Variants in PLXNA4 observed in about 807,000 individuals in gnomAD.
PLXNA4 encodes plexin-A4.
In PLXNA4, 44 loss-of-function variants were observed where a neutral mutation model predicts 191.8. That is an observed-to-expected ratio of 0.23 (90% confidence interval 0.18 to 0.29). The LOEUF (loss-of-function observed/expected upper bound fraction) is 0.29, where lower values mean the gene tolerates loss of function less well. Among genes scored for constraint, PLXNA4 ranks in the 10% least tolerant of loss-of-function variants. The probability of loss-of-function intolerance (pLI) is 1.00; values close to 1 mark genes in which losing one functional copy is unlikely to be tolerated. For synonymous variants in PLXNA4, 1,082 were observed against 1,009.5 expected, an observed-to-expected ratio of 1.07 and a Z score of -1.36; for missense variants, 1,800 against 2,488.8, an observed-to-expected ratio of 0.72 and a Z score of 5.89.
chr7:132,255,533 T>C (rs1340397114), intron 4 of PLXNA4, among the ~76,000 whole-genome samples: 1 of 152,210 alleles, frequency 6.6e-6, no homozygotes, highest in African/African-American at 2.4e-5. Context: ...AATTCAACTT[T>C]AAAGGTTTCC....
rs149649198 is a variant in PLXNA4 at position 132,522,445 on chromosome 7, A to C, written c.-86-13666T>G. Among the ~76,000 whole-genome samples the C allele has an allele frequency of 8.6e-4, 131 of 152,318 alleles. 1 individual carries two copies. The highest frequency in any genetic ancestry group is 9.1e-4 in the African/African-American group (38 of 41,580). On this transcript the variant is annotated intron_variant, in intron 1 of 31. Coordinates refer to ENST00000321063, the MANE Select transcript of PLXNA4 (RefSeq NM_020911.2). ...TGCCTTTCCTCTCTCTATGCCTCAG[A>C]TCTTCAGTTGATCCAATACTTTCCT...
At chr7:132,342,294 T>C (rs1803060032) in intron 3 of PLXNA4, among the ~76,000 whole-genome samples, 1 of 149,914 alleles carries the variant, frequency 6.7e-6, no homozygotes, top group African/African-American at 2.5e-5. Flanking sequence ...TGAATAACAA[T>C]GCTGATAATA....
At chr7:132,620,831 C>T (rs924940189) in intron 2 of PLXNA4, among the ~76,000 whole-genome samples, 3 of 152,174 alleles carry the variant, frequency 2.0e-5, no homozygotes, top group Admixed American at 1.3e-4. Context: ...AGAATACCAT[C>T]AACCGGGTGG....
intron 2 of PLXNA4, among the ~76,000 whole-genome samples, chr7:132,642,628 C>T (rs1222821042): frequency 1.3e-5 from 2 of 152,120 alleles, no homozygotes; most frequent in African/African-American, 4.8e-5. Context: ...AGGCAGAGGC[C>T]TTCCTGGGCC....
chr7:132,383,693 T>C lies in PLXNA4; in HGVS notation c.1372-85471A>G, dbSNP rs992815098. The C allele has an allele frequency of 4.1e-6, 4 of 983,008 alleles. No homozygotes were observed. In the African/African-American group the frequency reaches 7.0e-5, roughly 17 times the overall value. 60.9% of individuals were successfully genotyped at this position (983,008 alleles called of 1,614,324 possible). On this transcript the variant is annotated intron_variant, in intron 3 of 31. Coordinates refer to ENST00000321063, the MANE Select transcript of PLXNA4 (RefSeq NM_020911.2). ...TGAGTGTATATATCAATTCCAATTTTTGATAGACTAAATAAATGCTGAAAT... is the reference window on the plus strand; with the variant it reads ...TGAGTGTATATATCAATTCCAATTTCTGATAGACTAAATAAATGCTGAAAT...
At chr7:132,603,779 TCTTC>T (rs1227159841) in intron 2 of PLXNA4, among the ~76,000 whole-genome samples, 1 of 152,202 alleles carries the variant, frequency 6.6e-6, no homozygotes, top group African/African-American at 2.4e-5. Context: ...TATTTATATT[TCTTC>T]CTTGAGTATG....
At chr7:132,556,783 C>T (rs1323280793) in intron 1 of PLXNA4, among the ~76,000 whole-genome samples, 4 of 152,222 alleles carry the variant, frequency 2.6e-5, no homozygotes, top group Non-Finnish European at 5.9e-5. Flanking sequence ...CTGAGAGTCA[C>T]ATTTATCAAA....
chr7:132,470,727 A>G (rs1486827664), intron 3 of PLXNA4, among the ~76,000 whole-genome samples: 1 of 152,208 alleles, frequency 6.6e-6, no homozygotes, highest in African/African-American at 2.4e-5. Flanking sequence ...TATGAAAGAA[A>G]GGCCAAAAAC....
At position 132,557,457 on chromosome 7, in the gene PLXNA4, G is replaced by C. The variant is rs1017840097; in HGVS notation, c.-87+18965C>G. Among the ~76,000 whole-genome samples, 5 of 152,102 alleles carry C rather than the reference G, an allele frequency of 3.3e-5. No homozygotes were observed. The East Asian group carries it at 7.7e-4, about 23-fold the overall frequency. ...AGAAGATGGAGGAAATGGCGGCAGG[G>C]GGGGACGTAAAGATAGGCAATCAAT... On this transcript the variant is annotated intron_variant, in intron 1 of 31. Coordinates refer to ENST00000321063, the MANE Select transcript of PLXNA4 (RefSeq NM_020911.2).
At chr7:132,286,318 C>T (rs1356009820) in intron 4 of PLXNA4, among the ~76,000 whole-genome samples, 1 of 152,200 alleles carries the variant, frequency 6.6e-6, no homozygotes, top group Non-Finnish European at 1.5e-5. Flanking sequence ...AGCCCTGGCC[C>T]TGTCTGTCCA....
intron 16 of PLXNA4, among the ~76,000 whole-genome samples, chr7:132,183,121 C>T (rs577227207): frequency 1.6e-4 from 24 of 152,352 alleles, no homozygotes; most frequent in African/African-American, 5.0e-4. Flanking sequence ...CCTTGACACA[C>T]ACACCCACAT....
At position 132,291,720 on chromosome 7, in the gene PLXNA4, T is replaced by C. The variant is rs182618000; in HGVS notation, c.1503+6371A>G. On this transcript the variant is annotated intron_variant, in intron 4 of 31. Coordinates refer to ENST00000321063, the MANE Select transcript of PLXNA4 (RefSeq NM_020911.2). Reference sequence around the variant, plus strand: ...ATCCATTCATCCTCTCTACCATGCATTCATCCTACCACATGCCAAGAGCTG... The same window carrying C: ...ATCCATTCATCCTCTCTACCATGCACTCATCCTACCACATGCCAAGAGCTG... Among the ~76,000 whole-genome samples, 369 of 152,272 alleles carry C rather than the reference T, an allele frequency of 2.4e-3. 3 individuals are homozygous for C. Among genetic ancestry groups the C allele is most frequent in the African/African-American group, 8.5e-3 (354 of 41,558 alleles).
rs1006697209 is a variant in PLXNA4, at chr7:132,126,240, T to C, written c.*4239A>G. The C allele has an allele frequency of 6.6e-6, 1 of 152,352 alleles. No homozygotes were observed. The highest frequency in any genetic ancestry group is 2.4e-5 in the African/African-American group (1 of 41,408). The allele number at this position is 152,352 out of a possible 1,614,324, so 9.4% of individuals were successfully genotyped here. ...AGGTCATTTGGGAAGTCATTGCTTG[T>C]GGATCCTCGGATGGGGACCCATAGG... On this transcript the variant is annotated 3_prime_UTR_variant, in exon 32 of 32. Transcript: ENST00000321063.
At chr7:132,367,336 G>T (rs1332955279) in intron 3 of PLXNA4, among the ~76,000 whole-genome samples, 1 of 152,154 alleles carries the variant, frequency 6.6e-6, no homozygotes, top group Non-Finnish European at 1.5e-5. Context: ...TATGACCAAA[G>T]AAGTATTTCC....
At chr7:132,470,952 GAT>G (rs556169851) in intron 3 of PLXNA4, among the ~76,000 whole-genome samples, 136 of 152,258 alleles carry the variant, frequency 8.9e-4, no homozygotes, top group African/African-American at 3.2e-3. Flanking sequence ...ACATAGCTTG[GAT>G]ATGAGTCCCC....
At chr7:132,538,818 C>A (rs956482107) in intron 1 of PLXNA4, among the ~76,000 whole-genome samples, 8 of 152,174 alleles carry the variant, frequency 5.3e-5, no homozygotes, top group Admixed American at 1.3e-4. Flanking sequence ...AGAGGCAGAC[C>A]TTGTTCCCCT....
chr7:132,443,484 G>C (rs963551673), intron 3 of PLXNA4, among the ~76,000 whole-genome samples: 1 of 152,174 alleles, frequency 6.6e-6, no homozygotes, highest in Non-Finnish European at 1.5e-5. Context: ...TCATGACTGT[G>C]ATCTCTCTGC....
chr7:132,387,088 C>T lies in PLXNA4; in HGVS notation c.1372-88866G>A, dbSNP rs534036076. ...AAATGCTCACTCTCAATGTCTGTAC[C>T]TATCTCAGCACAGGCCACTAACAAC... On this transcript the variant is annotated intron_variant, in intron 3 of 31. Transcript: ENST00000321063. Among the ~76,000 whole-genome samples the T allele has an allele frequency of 2.6e-5, 4 of 152,322 alleles. No homozygotes were observed. The South Asian group carries it at 6.2e-4, about 24-fold the overall frequency.
intron 3 of PLXNA4, among the ~76,000 whole-genome samples, chr7:132,386,728 G>A (rs576986563): frequency 1.6e-4 from 25 of 152,320 alleles, no homozygotes; most frequent in East Asian, 1.3e-3. Flanking sequence ...GAAAACAGGT[G>A]GGATGAGGAT....
Sources: gnomAD v4.1 joint callset for allele counts (sites outside exome capture counted in the v4.1 genomes callset) on GRCh38, gnomAD v4.1.1 for gene constraint, MANE v1.5 for transcripts, NCBI Gene and HGNC (gene_info 2026-07-23, HGNC 2026-07-21) for gene names.